The following CD55 variants were observed in gnomAD, a reference collection of about 807,000 sequenced individuals.
The protein encoded by CD55 is complement decay-accelerating factor.
CD55 carries 41 observed loss-of-function variants against 45.8 expected under a neutral mutation model. The observed-to-expected ratio is 0.90, with a 90% CI of 0.70 to 1.16. The LOEUF (loss-of-function observed/expected upper bound fraction) is 1.16. Among genes scored for constraint, CD55 ranks in the 50% most tolerant of loss-of-function variants. The probability of loss-of-function intolerance (pLI) is 0.00; values close to 1 mark genes in which losing one functional copy is unlikely to be tolerated. For missense variants in CD55, 416 were observed against 469.8 expected (o/e 0.89, Z 1.06); for synonymous variants, 181 against 181.1 (o/e 1.00, Z 0.01).
intron 5 of CD55, among the ~76,000 whole-genome samples, chr1:207,328,608 A>C (rs1261933582): frequency 6.6e-6 from 1 of 152,156 alleles, no homozygotes; most frequent in African/African-American, 2.4e-5. Flanking sequence ...CTGTTTGCTT[A>C]TCTCTCTGCC....
Position 207,321,701 on chromosome 1 carries a change from C to T in CD55, c.-65C>T. The T allele has an allele frequency of 2.4e-6, 3 of 1,238,426 alleles. No individual in the cohort carries two copies. The highest frequency in any genetic ancestry group is 1.5e-5 in the South Asian group (1 of 66,374). The allele number at this position is 1,238,426 out of a possible 1,614,324, so 76.7% of individuals were successfully genotyped here. A position where few individuals can be genotyped will look rare whatever the true frequency, so the allele number is the denominator to read the frequency against. On this transcript the variant is annotated 5_prime_UTR_variant, in exon 1 of 10. Transcript: ENST00000367064. ...TTCTGCTTACTGCAACTCGCTCCGG[C>T]CGCTGGGCGTAGCTGCGACTCGGCG...
chr1:207,342,922 T>C (rs1655487174), intron 9 of CD55, among the ~76,000 whole-genome samples: 1 of 152,202 alleles, frequency 6.6e-6, no homozygotes, highest in Non-Finnish European at 1.5e-5. Flanking sequence ...GACTCAGTCT[T>C]GATAGGGAGC....
At chr1:207,326,691 T>C in intron 4 of CD55, 61 bp from the exon 5 acceptor site, 1 of 1,229,096 alleles carries the variant, frequency 8.1e-7, no homozygotes, top group Non-Finnish European at 1.2e-6. Flanking sequence ...CCTGGAGAAT[T>C]TGAGGAAAGT....
chr1:207,336,662 C>G (rs376110531), intron 6 of CD55, 31 bp from the exon 7 acceptor site: 1 of 1,611,096 alleles, frequency 6.2e-7, no homozygotes, highest in Non-Finnish European at 8.5e-7. Context: ...CAATATTTAG[C>G]TAACTTGTTT....
intron 9 of CD55, chr1:207,347,315 A>G: frequency 2.3e-6 from 1 of 427,486 alleles, no homozygotes; most frequent in Non-Finnish European, 4.7e-6. Context: ...GCTGGAGTGC[A>G]GTGGCGTGAT....
At chr1:207,323,254 GATATATATATATAGGGAGAT>G (rs1654512446) in intron 2 of CD55, among the ~76,000 whole-genome samples, 1 of 149,444 alleles carries the variant, frequency 6.7e-6, no homozygotes, top group South Asian at 2.1e-4. Flanking sequence ...TATAGGGAGA[GATATATATATATAGGGAGAT>G]ATATATATAT....
At chr1:207,332,806 C>T (rs755194208) in intron 6 of CD55, among the ~76,000 whole-genome samples, 4 of 152,094 alleles carry the variant, frequency 2.6e-5, no homozygotes, top group Admixed American at 6.5e-5. Context: ...GCATAAGATA[C>T]AGCTGTGGAA....
intron 9 of CD55, among the ~76,000 whole-genome samples, chr1:207,358,343 AT>A (rs1359608833): frequency 6.6e-6 from 1 of 152,194 alleles, no homozygotes; most frequent in Admixed American, 6.5e-5. Flanking sequence ...TCATTTAATG[AT>A]TCTTCATGTT....
At chr1:207,355,180 C>A (rs1469662830) in intron 9 of CD55, among the ~76,000 whole-genome samples, 1 of 152,126 alleles carries the variant, frequency 6.6e-6, no homozygotes, top group Non-Finnish European at 1.5e-5. Flanking sequence ...CATGGCAGTG[C>A]AATTGTACAG....
At chr1:207,335,604 T>TA (rs1199509810) in intron 6 of CD55, among the ~76,000 whole-genome samples, 2 of 152,166 alleles carry the variant, frequency 1.3e-5, no homozygotes, top group East Asian at 1.9e-4. Context: ...GAAAAGTTCA[T>TA]AAAAAAACTT....
At chr1:207,328,041 GACAA>G (rs1187021002) in intron 5 of CD55, among the ~76,000 whole-genome samples, 1 of 152,200 alleles carries the variant, frequency 6.6e-6, no homozygotes. Context: ...ACAAAGTTCA[GACAA>G]ACAGTCTCCC....
intron 9 of CD55, among the ~76,000 whole-genome samples, chr1:207,354,881 G>A (rs1223829012): frequency 6.6e-6 from 1 of 152,108 alleles, no homozygotes; most frequent in Non-Finnish European, 1.5e-5. Context: ...GCATTGTTCT[G>A]GGAATAGCCT....
intron 9 of CD55, among the ~76,000 whole-genome samples, chr1:207,348,021 G>C (rs1010774421): frequency 6.6e-6 from 1 of 152,170 alleles, no homozygotes; most frequent in African/African-American, 2.4e-5. Flanking sequence ...ATTGTGAAAA[G>C]TGCTGATGAA....
chr1:207,344,776 A>G (rs1490481381), intron 9 of CD55, among the ~76,000 whole-genome samples: 1 of 151,632 alleles, frequency 6.6e-6, no homozygotes, highest in East Asian at 1.9e-4. Flanking sequence ...ACAGTGGCGC[A>G]ATCTCAGCTC....
intron 9 of CD55, among the ~76,000 whole-genome samples, chr1:207,352,924 G>A (rs1308686441): frequency 2.0e-5 from 3 of 149,902 alleles, no homozygotes; most frequent in Admixed American, 6.6e-5. Context: ...TTATAATGTA[G>A]CATTTTTATC....
intron 5 of CD55, 72 bp from the exon 6 acceptor site, chr1:207,331,036 T>G: frequency 9.4e-7 from 1 of 1,067,584 alleles, no homozygotes; most frequent in Non-Finnish European, 1.4e-6. Context: ...ATCTTTAACA[T>G]GTTTTGATCT....
chr1:207,333,371 A>G (rs1178454569), intron 6 of CD55, among the ~76,000 whole-genome samples: 1 of 152,266 alleles, frequency 6.6e-6, no homozygotes, highest in Non-Finnish European at 1.5e-5. Context: ...GCCACTCCCA[A>G]GGAACAGAGG....
At position 207,322,547 on chromosome 1, in the gene CD55, A is replaced by G. The variant is rs1654469549; in HGVS notation, c.266A>G (p.Asp89Gly). ...VICLKGSQWS[D>G]IEEFCNRSCE... ...TGCCTTAAGGGCAGTCAATGGTCAG[A>G]TATTGAAGAGTTCTGCAATCGTAAG... The change falls in exon 2 of 10, where the codon GAT becomes GGT. Residue 89 changes from aspartate to glycine, a missense_variant. Physicochemically the swap from Asp to Gly is moderately conservative, Grantham distance 94. This residue lies in a region of CD55 where 111 missense variants were observed against 163.4 expected (regional missense o/e 0.68). Coordinates refer to ENST00000367064, the MANE Select transcript of CD55 (RefSeq NM_000574.5). 6.2e-7 allele frequency: 1 copy of G among 1,612,106 alleles called. No individual in the cohort carries two copies. Among genetic ancestry groups the G allele is most frequent in the African/African-American group, 1.3e-5 (1 of 74,802 alleles).
chr1:207,323,336 CAGGT>C (rs1200721349), intron 2 of CD55, among the ~76,000 whole-genome samples: 2 of 151,054 alleles, frequency 1.3e-5, no homozygotes, highest in East Asian at 3.9e-4. Context: ...GGGATATAGA[CAGGT>C]AGATAGGTTG....
Sources: allele counts gnomAD v4.1 joint callset (sites outside exome capture counted in the v4.1 genomes callset), GRCh38; gene constraint gnomAD v4.1.1; regional missense constraint gnomAD v4.1.1; transcripts MANE v1.5; gene names NCBI Gene and HGNC (gene_info 2026-07-23, HGNC 2026-07-21).